APPBP2: variants seen among roughly 807,000 people sequenced by gnomAD.
APPBP2 encodes the protein amyloid protein-binding protein 2.
Under a neutral mutation model 76.0 loss-of-function variants are expected in APPBP2, and 15 were observed. That is an observed-to-expected ratio of 0.20 (90% CI 0.13 to 0.30). The LOEUF is 0.30. Among genes scored for constraint, APPBP2 ranks in the 10% least tolerant of loss-of-function variants. The pLI is 1.00. For synonymous variants in APPBP2, 222 were observed against 242.2 expected, an observed-to-expected ratio of 0.92 and a Z score of 0.77; for missense variants, 401 against 687.2, an observed-to-expected ratio of 0.58 and a Z score of 4.66.
intron 4 of APPBP2, among the ~76,000 whole-genome samples, chr17:60,467,503 A>C (rs1036073368): frequency 1.3e-5 from 2 of 152,192 alleles, no homozygotes; most frequent in African/African-American, 2.4e-5. Context: ...TACAATGCCA[A>C]TGTGTATCCT....
At chr17:60,501,166 G>C (rs1009574669) in intron 1 of APPBP2, among the ~76,000 whole-genome samples, 1 of 151,854 alleles carries the variant, frequency 6.6e-6, no homozygotes, top group East Asian at 1.9e-4. Context: ...AAATAAATTC[G>C]CTAGGTGTGG....
intron 1 of APPBP2, 148 bp from the exon 2 acceptor site, chr17:60,500,635 TA>T (rs1351939136): frequency 3.0e-6 from 2 of 664,130 alleles, no homozygotes; most frequent in Admixed American, 3.0e-5. Flanking sequence ...ACAATTCATA[TA>T]AAAATATTTT....
rs201299119 is a variant in APPBP2, at chr17:60,447,871, C to T, written c.1505-37G>A. The T allele has an allele frequency of 2.6e-6, 4 of 1,516,118 alleles. No homozygotes were observed. In the Admixed American group the frequency reaches 8.6e-5, roughly 33 times the overall value. The allele number at this position is 1,516,118 out of a possible 1,614,324, so 93.9% of individuals were successfully genotyped here. ...AAGAAAAAGGAAAAAAAAAAAAGCA[C>T]AAATAATGAGATAACAAGCAATTTC... is the stretch of plus-strand genomic sequence containing the variant. On this transcript the variant is annotated intron_variant, in intron 12 of 12. Transcript: ENST00000083182.
intron 1 of APPBP2, among the ~76,000 whole-genome samples, chr17:60,519,648 A>G (rs2090992016): frequency 6.6e-6 from 1 of 152,068 alleles, no homozygotes; most frequent in Non-Finnish European, 1.5e-5. Flanking sequence ...GGGAGACAGA[A>G]GGAGGACTTG....
chr17:60,505,338 C>T (rs758213319), intron 1 of APPBP2, among the ~76,000 whole-genome samples: 21 of 152,204 alleles, frequency 1.4e-4, no homozygotes, highest in Non-Finnish European at 2.8e-4. Flanking sequence ...CTTTTTGAGA[C>T]GGAGTCTCGC....
chr17:60,515,358 C>A (rs1220672077), intron 1 of APPBP2, among the ~76,000 whole-genome samples: 15 of 152,164 alleles, frequency 9.9e-5, no homozygotes. Flanking sequence ...TCAGGCGATC[C>A]ACCCACCCTG....
chr17:60,519,034 C>T (rs57146037), intron 1 of APPBP2, among the ~76,000 whole-genome samples: 12,513 of 152,236 alleles, frequency 0.082, 1,702 homozygotes, highest in African/African-American at 0.28. Context: ...TCACAGCTCA[C>T]TGAGCGGCCT....
At chr17:60,481,762 AAAG>A (rs1339920456) in intron 3 of APPBP2, among the ~76,000 whole-genome samples, 1 of 152,382 alleles carries the variant, frequency 6.6e-6, no homozygotes, top group East Asian at 1.9e-4. Flanking sequence ...GAAGTTAGGA[AAAG>A]AAGACAACAG....
chr17:60,484,130 G>C (rs186775580), intron 3 of APPBP2, among the ~76,000 whole-genome samples: 1 of 152,310 alleles, frequency 6.6e-6, no homozygotes, highest in African/African-American at 2.4e-5. Context: ...GGTTACTGCA[G>C]CCTTGTAGTA....
At chr17:60,498,635 G>C (rs533666926) in intron 2 of APPBP2, among the ~76,000 whole-genome samples, 3 of 151,958 alleles carry the variant, frequency 2.0e-5, no homozygotes, top group Non-Finnish European at 4.4e-5. Context: ...CATAACATAG[G>C]TGATTCTCAT....
At chr17:60,456,432 T>C (rs1158883931) in intron 9 of APPBP2, 51 bp from the exon 10 acceptor site, 3 of 1,187,420 alleles carry the variant, frequency 2.5e-6, no homozygotes, top group Non-Finnish European at 3.7e-6. Context: ...TACAAATGAT[T>C]TAGGAATTTT....
chr17:60,505,362 T>G (rs984738646), intron 1 of APPBP2, among the ~76,000 whole-genome samples: 1 of 152,214 alleles, frequency 6.6e-6, no homozygotes, highest in African/African-American at 2.4e-5. Context: ...GTCGCCTAGG[T>G]TGGAGTGCAG....
intron 3 of APPBP2, among the ~76,000 whole-genome samples, chr17:60,483,298 G>C (rs754884338): frequency 1.3e-5 from 2 of 152,064 alleles, no homozygotes; most frequent in Non-Finnish European, 2.9e-5. Context: ...TTGTAAATTC[G>C]CTTAAGTTCT....
intron 3 of APPBP2, among the ~76,000 whole-genome samples, chr17:60,485,135 G>A (rs192680793): frequency 1.1e-3 from 163 of 152,188 alleles, no homozygotes; most frequent in African/African-American, 3.4e-3. Flanking sequence ...TTTTCGCATC[G>A]ATGTTCATCA....
At chr17:60,495,427 T>TTTTA (rs1555634440) in intron 2 of APPBP2, among the ~76,000 whole-genome samples, 33 of 129,408 alleles carry the variant, frequency 2.6e-4, no homozygotes, top group African/African-American at 1.1e-3. Flanking sequence ...TTTAAAAATA[T>TTTTA]TTTATTTATT....
At chr17:60,468,402 G>C (rs1210117278) in intron 4 of APPBP2, 5 of 152,146 alleles carry the variant, frequency 3.3e-5, no homozygotes, top group Non-Finnish European at 4.4e-5. Context: ...GAAACCCATA[G>C]GTTGAAAATT....
intron 1 of APPBP2, among the ~76,000 whole-genome samples, chr17:60,512,251 C>G (rs1235546558): frequency 6.6e-6 from 1 of 151,814 alleles, no homozygotes; most frequent in Non-Finnish European, 1.5e-5. Context: ...TACAAGTGCC[C>G]ACCACCACGC....
At chr17:60,525,740 G>A (rs532045820) in intron 1 of APPBP2, 54 bp downstream of exon 1, 227 of 1,609,214 alleles carry the variant, frequency 1.4e-4, no homozygotes, top group Admixed American at 5.5e-4. Context: ...GTGGAAGGGG[G>A]TGCGGCCCCC....
intron 3 of APPBP2, among the ~76,000 whole-genome samples, chr17:60,482,451 AATTT>A (rs1251006833): frequency 1.3e-5 from 2 of 152,130 alleles, no homozygotes; most frequent in Non-Finnish European, 2.9e-5. Flanking sequence ...TAGGATTAAA[AATTT>A]ATTATTATTA....
Sources: allele counts gnomAD v4.1 joint callset (sites outside exome capture counted in the v4.1 genomes callset), GRCh38; gene constraint gnomAD v4.1.1; transcripts MANE v1.5; gene names NCBI Gene and HGNC (gene_info 2026-07-23, HGNC 2026-07-21).